Variants in CACNA1E observed in about 807,000 individuals in gnomAD.
CACNA1E encodes the protein calcium voltage-gated channel subunit alpha1 E, also known as voltage-dependent R-type calcium channel subunit alpha-1E.
In CACNA1E, 40 loss-of-function variants were observed where a neutral mutation model predicts 259.2. That is an observed-to-expected ratio of 0.15 (90% confidence interval 0.12 to 0.20). The LOEUF (loss-of-function observed/expected upper bound fraction) is 0.20. Ranked by LOEUF, CACNA1E falls within the 10% of genes least tolerant of loss-of-function variation. The pLI is 1.00. For missense variants in CACNA1E, 1,874 were observed against 3,040.1 expected (o/e 0.62, Z 9.02); for synonymous variants, 1,104 against 1,138.5 (o/e 0.97, Z 0.61).
rs1029217669 is a variant in CACNA1E, at chr1:181,804,443, C to T, written c.*5609C>T. 1.3e-5 allele frequency: 2 copies of T among 152,058 alleles called. No homozygotes were observed. The highest frequency in any genetic ancestry group is 4.8e-5 in the African/African-American group (2 of 41,400). 9.4% of individuals were successfully genotyped at this position (152,058 alleles called of 1,614,324 possible). ...ATAACCCAAATTAATGAAGAACTGC[C>T]CCAAAACTTCAGTGAAAGCCAAGGA... On this transcript the variant is annotated 3_prime_UTR_variant, in exon 48 of 48. Coordinates refer to ENST00000367573, the MANE Select transcript of CACNA1E (RefSeq NM_001205293.3).
intron 2 of CACNA1E, among the ~76,000 whole-genome samples, chr1:181,466,128 G>A (rs961686373): frequency 6.6e-6 from 1 of 152,270 alleles, no homozygotes; most frequent in African/African-American, 2.4e-5. Flanking sequence ...TGATTTTCAT[G>A]CAGTTTATTT....
At position 181,582,139 on chromosome 1, in the gene CACNA1E, A is replaced by G. The variant is rs77083908; in HGVS notation, c.951+1363A>G. 5.7e-3 allele frequency among the ~76,000 whole-genome samples: 861 copies of G among 152,358 alleles called. 8 individuals are homozygous for G. Among genetic ancestry groups the G allele is most frequent in the Non-Finnish European group, 0.01 (699 of 68,040 alleles). On this transcript the variant is annotated intron_variant, in intron 6 of 47. Transcript: ENST00000367573. ...CATTCCCACATAGGATGAGCAAGGC[A>G]GGACTGAAGCTTTGCAGAAAAGAGT...
chr1:181,720,667 A>G, intron 14 of CACNA1E, 116 bp from the exon 15 acceptor site: 1 of 706,294 alleles, frequency 1.4e-6, no homozygotes, highest in East Asian at 2.7e-5. Flanking sequence ...AAAGTAGGGA[A>G]GAGGGGGGTT....
At chr1:181,554,092 C>G (rs1401798916) in intron 3 of CACNA1E, among the ~76,000 whole-genome samples, 1 of 152,052 alleles carries the variant, frequency 6.6e-6, no homozygotes, top group Admixed American at 6.6e-5. Context: ...CCCACTGCAG[C>G]CTTGACCTCC....
chr1:181,356,698 G>A (rs1278145368), intron 1 of CACNA1E, among the ~76,000 whole-genome samples: 1 of 152,222 alleles, frequency 6.6e-6, no homozygotes, highest in African/African-American at 2.4e-5. Flanking sequence ...GGAGGAAGCT[G>A]CGGCGGTGGA....
intron 4 of CACNA1E, 37 bp from the exon 5 acceptor site, chr1:181,579,035 G>T (rs1187306369): frequency 6.4e-7 from 1 of 1,560,512 alleles, no homozygotes; most frequent in South Asian, 1.2e-5. Flanking sequence ...GGTGCTGAGG[G>T]ACAGCTGCAT....
intron 47 of CACNA1E, among the ~76,000 whole-genome samples, chr1:181,797,718 G>A (rs1661935211): frequency 6.6e-6 from 1 of 152,144 alleles, no homozygotes; most frequent in Non-Finnish European, 1.5e-5. Context: ...CCAAAACCTG[G>A]GCTCAGTTTC....
intron 7 of CACNA1E, among the ~76,000 whole-genome samples, chr1:181,698,704 C>G (rs149504402): frequency 7.4e-4 from 113 of 152,072 alleles, no homozygotes; most frequent in African/African-American, 2.5e-3. Flanking sequence ...AAGAAAATGT[C>G]TTTGCTTGTA....
intron 6 of CACNA1E, among the ~76,000 whole-genome samples, chr1:181,601,345 G>C (rs867168970): frequency 6.6e-6 from 1 of 152,088 alleles, no homozygotes; most frequent in South Asian, 2.1e-4. Context: ...CCATGTGCTA[G>C]ACACTGCTCA....
intron 3 of CACNA1E, among the ~76,000 whole-genome samples, chr1:181,551,715 A>G (rs1318314805): frequency 1.3e-5 from 2 of 152,040 alleles, no homozygotes; most frequent in African/African-American, 4.8e-5. Context: ...CAGTTCATCA[A>G]CACCTTCAAC....
chr1:181,590,740 A>G (rs888460072), intron 6 of CACNA1E, among the ~76,000 whole-genome samples: 2 of 152,036 alleles, frequency 1.3e-5, no homozygotes, highest in African/African-American at 4.8e-5. Context: ...TGTTCTCCTG[A>G]GGGTGCCTTG....
At chr1:181,707,718 C>A (rs748466085) in intron 7 of CACNA1E, among the ~76,000 whole-genome samples, 2 of 152,124 alleles carry the variant, frequency 1.3e-5, no homozygotes, top group Non-Finnish European at 2.9e-5. Flanking sequence ...TGGAGTACTC[C>A]TCCTTTTAAG....
At chr1:181,790,307 T>TTTTTTTTA (rs34600959) in intron 43 of CACNA1E, 138 bp from the exon 44 acceptor site, 1 of 422,424 alleles carries the variant, frequency 2.4e-6, no homozygotes, top group African/African-American at 2.1e-5. Context: ...TTTTTTTTTT[T>TTTTTTTTA]AATTTCAGGA....
intron 3 of CACNA1E, among the ~76,000 whole-genome samples, chr1:181,525,688 G>A (rs593413): frequency 0.15 from 22,832 of 152,238 alleles, 1,908 homozygotes; most frequent in African/African-American, 0.21. Context: ...CACAAAGAAG[G>A]TTGAGAAGTC....
intron 44 of CACNA1E, 115 bp downstream of exon 44, chr1:181,790,671 A>G: frequency 1.4e-6 from 1 of 728,588 alleles, no homozygotes; most frequent in Non-Finnish European, 2.4e-6. Context: ...TAGTTTAGCC[A>G]GTTGCCCTGG....
chr1:181,733,778 A>ACC, intron 21 of CACNA1E, 28 bp downstream of exon 21: 1 of 1,465,658 alleles, frequency 6.8e-7, no homozygotes, highest in Non-Finnish European at 9.1e-7. Context: ...GTTCCCCTCC[A>ACC]CCCCCAACTC....
intron 7 of CACNA1E, among the ~76,000 whole-genome samples, chr1:181,703,562 C>G (rs1177533142): frequency 6.6e-6 from 1 of 152,178 alleles, no homozygotes; most frequent in Non-Finnish European, 1.5e-5. Flanking sequence ...TGCTTTTCTT[C>G]CCCTGTGTCT....
intron 7 of CACNA1E, among the ~76,000 whole-genome samples, chr1:181,655,183 ATTT>A (rs1408245336): frequency 6.6e-6 from 1 of 152,090 alleles, no homozygotes; most frequent in Non-Finnish European, 1.5e-5. Flanking sequence ...TTTAATGATA[ATTT>A]TTATAGCAGG....
intron 2 of CACNA1E, among the ~76,000 whole-genome samples, chr1:181,441,553 A>G (rs1399067857): frequency 6.6e-6 from 1 of 152,238 alleles, no homozygotes; most frequent in Non-Finnish European, 1.5e-5. Context: ...TTTCCTACCC[A>G]GATTGGAAAT....
Sources: allele counts gnomAD v4.1 joint callset (sites outside exome capture counted in the v4.1 genomes callset), GRCh38; gene constraint gnomAD v4.1.1; transcripts MANE v1.5; gene names NCBI Gene and HGNC (gene_info 2026-07-23, HGNC 2026-07-21).